Variants in STXBP6 observed in about 807,000 individuals in gnomAD.
The protein encoded by STXBP6 is syntaxin-binding protein 6.
A neutral mutation model predicts 26.9 loss-of-function variants in STXBP6; 21 were observed. The observed-to-expected ratio is 0.78, with a 90% CI of 0.55 to 1.12. The LOEUF (loss-of-function observed/expected upper bound fraction) is 1.12. Among genes scored for constraint, STXBP6 ranks in the 50% most tolerant of loss-of-function variants. The probability of loss-of-function intolerance (pLI) is 0.00; values close to 1 mark genes in which losing one functional copy is unlikely to be tolerated. For synonymous variants in STXBP6, 97 were observed against 92.6 expected (o/e 1.05, Z -0.27); for missense variants, 232 against 257.9 (o/e 0.90, Z 0.69).
At chr14:24,829,794 G>A (rs894941650) in intron 4 of STXBP6, among the ~76,000 whole-genome samples, 5 of 151,780 alleles carry the variant, frequency 3.3e-5, no homozygotes, top group Admixed American at 2.6e-4. Flanking sequence ...CCCACCCCAT[G>A]ACCGGCAAGG....
intron 2 of STXBP6, among the ~76,000 whole-genome samples, chr14:24,954,778 CT>C (rs2092441860): frequency 6.6e-6 from 1 of 152,210 alleles, no homozygotes. Flanking sequence ...TTGGCTTTCA[CT>C]GACAGAAAAA....
chr14:24,987,201 G>C (rs1233235017), intron 1 of STXBP6, among the ~76,000 whole-genome samples: 1 of 152,180 alleles, frequency 6.6e-6, no homozygotes, highest in African/African-American at 2.4e-5. Flanking sequence ...CCATCCAAAA[G>C]CTGGGGGCCA....
Position 25,049,429 on chromosome 14 carries a change from G to C in STXBP6, c.-33+449C>G. The C allele has an allele frequency of 4.1e-6, 4 of 985,428 alleles. No individual in the cohort carries two copies. The highest frequency in any genetic ancestry group is 4.8e-6 in the Non-Finnish European group (4 of 829,938). The allele number at this position is 985,428 out of a possible 1,614,324, so 61.0% of individuals were successfully genotyped here. Reference sequence around the variant, plus strand: ...AAGATGCCAGAGTTCGCGAAGATCGGAGTGATTCGCGGATTTCTGCGCTCA... The same window carrying C: ...AAGATGCCAGAGTTCGCGAAGATCGCAGTGATTCGCGGATTTCTGCGCTCA... On this transcript the variant is annotated intron_variant, in intron 1 of 5. Transcript: ENST00000323944. This position sits in a 1 kb window ranked among gnomAD's most constrained non-coding sequence, Gnocchi z 5.6.
intron 2 of STXBP6, among the ~76,000 whole-genome samples, chr14:24,957,772 G>A (rs2140100864): frequency 6.6e-6 from 1 of 152,278 alleles, no homozygotes; most frequent in South Asian, 2.1e-4. Flanking sequence ...TGGCCCTCTA[G>A]GTTACACAGA....
Position 24,856,097 on chromosome 14 carries a change from G to T in STXBP6, c.290C>A (p.Ser97Ter). The change falls in exon 4 of 6, where the codon TCG becomes TAG. Residue 97 changes from serine (S) to a stop codon, truncating the protein, a stop_gained. Transcript: ENST00000323944. LOFTEE classifies it high-confidence loss of function. ...QVNGIDPNGDSAEFDLLFENA... is the reference protein window; with the variant it reads ...QVNGIDPNGD ...TTCAAACAACAAATCAAACTCTGCC[G>T]AATCCTGGAAAAGACAATGAAATAA... is the stretch of plus-strand genomic sequence containing the variant. The T allele has an allele frequency of 6.3e-7, 1 of 1,592,002 alleles. No individual in the cohort carries two copies. The highest frequency in any genetic ancestry group is 1.2e-5 in the South Asian group (1 of 86,794).
chr14:24,928,175 T>C (rs1162510170), intron 2 of STXBP6, among the ~76,000 whole-genome samples: 2 of 152,168 alleles, frequency 1.3e-5, no homozygotes, highest in African/African-American at 2.4e-5. Flanking sequence ...GCCTAATCTA[T>C]ACAAATGCAC....
chr14:25,030,027 T>C (rs917461598), intron 1 of STXBP6, among the ~76,000 whole-genome samples: 1 of 152,216 alleles, frequency 6.6e-6, no homozygotes, highest in African/African-American at 2.4e-5. Flanking sequence ...CTATTAATAA[T>C]AGAACATATC....
In STXBP6 at chr14:24,974,767, T is replaced by C; in HGVS notation, c.52A>G (p.Arg18Gly). The change falls in exon 2 of 6, where the codon AGG (arginine) becomes GGG (glycine). Residue 18 changes from arginine to glycine, a missense_variant. Transcript: ENST00000323944. The stretch of plus-strand genomic sequence containing the variant: ...TTGACTTGGACAGCTCCCAGCATCC[T>C]TTCATCAAGAGGTGCAAAAATTTCC... ...SKEIFAPLDE[R>G]MLGAVQVKRR... 3.7e-6 allele frequency: 6 copies of C among 1,607,052 alleles called. No individual in the cohort carries two copies. Among genetic ancestry groups the C allele is most frequent in the Non-Finnish European group, 5.1e-6 (6 of 1,176,036 alleles).
chr14:24,926,181 T>C (rs1371956805), intron 2 of STXBP6, among the ~76,000 whole-genome samples: 1 of 152,134 alleles, frequency 6.6e-6, no homozygotes, highest in Non-Finnish European at 1.5e-5. Context: ...ACAAGCATTA[T>C]TTGACTTCCA....
intron 2 of STXBP6, among the ~76,000 whole-genome samples, chr14:24,966,662 A>G (rs1342012301): frequency 1.3e-5 from 2 of 152,232 alleles, no homozygotes; most frequent in Non-Finnish European, 2.9e-5. Context: ...TGGTTTTCAC[A>G]GGAAGAGATC....
intron 2 of STXBP6, among the ~76,000 whole-genome samples, chr14:24,866,250 C>A (rs1324345259): frequency 6.6e-6 from 1 of 152,122 alleles, no homozygotes; most frequent in Non-Finnish European, 1.5e-5. Flanking sequence ...ATACTGGCTC[C>A]TTCTTGGGCC....
chr14:24,877,371 C>T (rs1165339863), intron 2 of STXBP6, among the ~76,000 whole-genome samples: 3 of 152,198 alleles, frequency 2.0e-5, no homozygotes, highest in Non-Finnish European at 2.9e-5. Flanking sequence ...TTACTCCCAT[C>T]TCTGTGTCCA....
intron 2 of STXBP6, among the ~76,000 whole-genome samples, chr14:24,937,406 T>A (rs745541528): frequency 8.5e-5 from 13 of 152,266 alleles, no homozygotes; most frequent in Non-Finnish European, 1.9e-4. Context: ...TCTGTTACTA[T>A]GCCTTTATAT....
intron 2 of STXBP6, among the ~76,000 whole-genome samples, chr14:24,926,229 A>G (rs1442324981): frequency 6.6e-6 from 1 of 152,222 alleles, no homozygotes; most frequent in Non-Finnish European, 1.5e-5. Context: ...AAAGGGAAAA[A>G]AAAAGCCTTG....
intron 4 of STXBP6, among the ~76,000 whole-genome samples, chr14:24,845,073 G>A (rs2068913139): frequency 1.3e-5 from 2 of 151,042 alleles, no homozygotes; most frequent in Admixed American, 1.3e-4. Flanking sequence ...ATGCAGTGGC[G>A]TGATCTCAGC....
chr14:24,961,460 A>AG (rs2140123035), intron 2 of STXBP6, among the ~76,000 whole-genome samples: 1 of 152,224 alleles, frequency 6.6e-6, no homozygotes, highest in Non-Finnish European at 1.5e-5. Context: ...ACAAAAAAAA[A>AG]AAAACATAAA....
intron 2 of STXBP6, among the ~76,000 whole-genome samples, chr14:24,926,773 C>A (rs979390083): frequency 1.3e-5 from 2 of 152,080 alleles, no homozygotes; most frequent in African/African-American, 4.8e-5. Flanking sequence ...TGAACATGGG[C>A]ACATTACCTA....
chr14:25,027,728 C>A (rs7147250), intron 1 of STXBP6, among the ~76,000 whole-genome samples: 1 of 152,108 alleles, frequency 6.6e-6, no homozygotes, highest in Non-Finnish European at 1.5e-5. Flanking sequence ...AAAGCCAGGA[C>A]AGGCTGAAAG....
intron 1 of STXBP6, among the ~76,000 whole-genome samples, chr14:25,038,068 AAC>A (rs145804703): frequency 4.4e-4 from 66 of 151,510 alleles, no homozygotes; most frequent in Admixed American, 1.4e-3. Context: ...TAAAAATACG[AAC>A]ACACACACAC....
Sources: gnomAD v4.1 joint callset for allele counts (sites outside exome capture counted in the v4.1 genomes callset) on GRCh38, gnomAD v4.1.1 for gene constraint, Gnocchi (gnomAD v3.1) non-coding constraint, MANE v1.5 for transcripts, NCBI Gene and HGNC (gene_info 2026-07-23, HGNC 2026-07-21) for gene names.